SEC24B: variants seen among roughly 807,000 people sequenced by gnomAD.
SEC24B encodes protein transport protein Sec24B.
SEC24B carries 45 observed loss-of-function variants against 142.8 expected under a neutral mutation model. The ratio of observed to expected loss-of-function variants is 0.32; its 90% CI spans 0.25 to 0.40. The LOEUF (loss-of-function observed/expected upper bound fraction) is 0.40, where lower values mean the gene tolerates loss of function less well. Ranked by LOEUF, SEC24B falls within the 10% of genes least tolerant of loss-of-function variation. The probability of loss-of-function intolerance (pLI) is 1.00; values close to 1 mark genes in which losing one functional copy is unlikely to be tolerated. For synonymous variants in SEC24B, 574 were observed against 568.2 expected (o/e 1.01, Z -0.15); for missense variants, 1,409 against 1,526.8 (o/e 0.92, Z 1.29).
At chr4:109,476,919 C>T (rs1578844921) in intron 3 of SEC24B, among the ~76,000 whole-genome samples, 1 of 151,852 alleles carries the variant, frequency 6.6e-6, no homozygotes, top group Non-Finnish European at 1.5e-5. Context: ...GGGCGGATCA[C>T]GAGGTCAGGA....
chr4:109,508,690 A>G (rs1736986501), intron 7 of SEC24B, among the ~76,000 whole-genome samples: 1 of 152,230 alleles, frequency 6.6e-6, no homozygotes, highest in Non-Finnish European at 1.5e-5. Context: ...TCTTTTATCA[A>G]AATAACAAAT....
chr4:109,455,707 ATTT>A (rs563228413), intron 1 of SEC24B, among the ~76,000 whole-genome samples: 70 of 152,232 alleles, frequency 4.6e-4, no homozygotes, highest in African/African-American at 1.7e-3. Flanking sequence ...AGTTGACTGT[ATTT>A]TTATGGGTCT....
intron 4 of SEC24B, among the ~76,000 whole-genome samples, chr4:109,487,749 T>C (rs2125995700): frequency 6.6e-6 from 1 of 152,364 alleles, no homozygotes; most frequent in East Asian, 1.9e-4. Context: ...ACAATTATCA[T>C]TGCTTTGATA....
intron 1 of SEC24B, among the ~76,000 whole-genome samples, chr4:109,448,496 A>G (rs1286631150): frequency 6.6e-6 from 1 of 151,852 alleles, no homozygotes; most frequent in Non-Finnish European, 1.5e-5. Context: ...TCTAACAATA[A>G]CTTATGAAAC....
chr4:109,531,342 A>G lies in SEC24B; in HGVS notation c.3253-43A>G, dbSNP rs72898781. 1,508 of 1,534,058 alleles carry G rather than the reference A, an allele frequency of 9.8e-4. 13 individuals are homozygous for G. In the African/African-American group the frequency reaches 0.019, roughly 20 times the overall value. Reference sequence around the variant, plus strand: ...ATATTTGTTTTAATATTTGTCCACCATATTTGTATTTTACTTGAAAACGTT... The same window carrying G: ...ATATTTGTTTTAATATTTGTCCACCGTATTTGTATTTTACTTGAAAACGTT... On this transcript the variant is annotated intron_variant, in intron 19 of 23. Coordinates refer to ENST00000265175, the MANE Select transcript of SEC24B (RefSeq NM_006323.5).
chr4:109,520,563 C>T, intron 12 of SEC24B, 79 bp downstream of exon 12: 1 of 810,520 alleles, frequency 1.2e-6, no homozygotes, highest in Non-Finnish European at 2.1e-6. Flanking sequence ...ATACACCTTG[C>T]TATATGCTGT....
intron 4 of SEC24B, among the ~76,000 whole-genome samples, chr4:109,484,935 T>C (rs1244481370): frequency 1.3e-5 from 2 of 152,122 alleles, no homozygotes; most frequent in African/African-American, 4.8e-5. Context: ...ATATTATAGA[T>C]TTAAAATTCC....
chr4:109,475,988 CTCT>C (rs1411054369), intron 3 of SEC24B, among the ~76,000 whole-genome samples: 9 of 137,174 alleles, frequency 6.6e-5, no homozygotes, highest in African/African-American at 3.1e-4. Context: ...TTTTCTCTCT[CTCT>C]TTTTTTTTTT....
Position 109,506,961 on chromosome 4 carries a change from C to T in SEC24B, c.1673+449C>T, listed in dbSNP as rs570185168. On this transcript the variant is annotated intron_variant, in intron 7 of 23. Coordinates refer to ENST00000265175, the MANE Select transcript of SEC24B (RefSeq NM_006323.5). ...TATCTCAGAATTTTCTTTTCCCACT[C>T]AATATAGAGTATGAAGACCTTTGAC... Among the ~76,000 whole-genome samples, 6 of 152,190 alleles carry T rather than the reference C, an allele frequency of 3.9e-5. No homozygotes were observed. In the South Asian group the frequency reaches 1.2e-3, roughly 32 times the overall value.
chr4:109,514,101 A>C (rs1561161724), intron 10 of SEC24B, among the ~76,000 whole-genome samples: 1 of 152,190 alleles, frequency 6.6e-6, no homozygotes, highest in African/African-American at 2.4e-5. Context: ...AGCATCTATG[A>C]CTTGTTGCCA....
intron 22 of SEC24B, 103 bp from the exon 23 acceptor site, chr4:109,538,390 A>G (rs752183708): frequency 2.9e-6 from 2 of 700,100 alleles, no homozygotes; most frequent in Non-Finnish European, 5.1e-6. Flanking sequence ...GCTAAGAAAT[A>G]GAGTGCTGGC....
intron 2 of SEC24B, among the ~76,000 whole-genome samples, chr4:109,472,414 T>G (rs1331658103): frequency 6.6e-6 from 1 of 152,210 alleles, no homozygotes; most frequent in African/African-American, 2.4e-5. Context: ...ATGCACTTTA[T>G]TCCAGAAGTT....
At chr4:109,441,063 A>C (rs1263526570) in intron 1 of SEC24B, among the ~76,000 whole-genome samples, 1 of 152,070 alleles carries the variant, frequency 6.6e-6, no homozygotes, top group Admixed American at 6.5e-5. Flanking sequence ...TAAGTTTTCT[A>C]AAATTGTGTG....
intron 6 of SEC24B, among the ~76,000 whole-genome samples, chr4:109,499,777 C>T (rs559642826): frequency 1.3e-5 from 2 of 152,300 alleles, no homozygotes; most frequent in Admixed American, 6.5e-5. Context: ...GTACATAATA[C>T]TTGATAATGA....
chr4:109,490,993 A>G (rs1288767829), intron 4 of SEC24B, among the ~76,000 whole-genome samples: 1 of 152,120 alleles, frequency 6.6e-6, no homozygotes, highest in Non-Finnish European at 1.5e-5. Context: ...AATCCTTAAG[A>G]TGTGACTATA....
At chr4:109,501,705 C>T (rs1736167179) in intron 6 of SEC24B, among the ~76,000 whole-genome samples, 1 of 152,212 alleles carries the variant, frequency 6.6e-6, no homozygotes, top group South Asian at 2.1e-4. Context: ...TTCCTCACCT[C>T]AGATGATCTA....
chr4:109,520,409 G>A lies in SEC24B; in HGVS notation c.2170G>A (p.Asp724Asn). Residue 724 changes from aspartate (D) to asparagine (N), a missense_variant, in exon 12 of 24, where the codon GAT becomes AAT. By Grantham distance (23) the Asp-to-Asn change is conservative. Coordinates refer to ENST00000265175, the MANE Select transcript of SEC24B (RefSeq NM_006323.5). ...AACAAGAATAGGATTCATGACCTTT[G>A]ATAGCACTATTCATTTCTACAATTT... is the stretch of plus-strand genomic sequence containing the variant. ...SRTRIGFMTF[D>N]STIHFYNLQE... The A allele has an allele frequency of 6.2e-7, 1 of 1,612,492 alleles. No individual in the cohort carries two copies. Among genetic ancestry groups the A allele is most frequent in the South Asian group, 1.1e-5 (1 of 91,002 alleles).
chr4:109,490,609 G>A (rs1019468084), intron 4 of SEC24B, among the ~76,000 whole-genome samples: 1 of 152,074 alleles, frequency 6.6e-6, no homozygotes, highest in African/African-American at 2.4e-5. Context: ...AATGGAAGAA[G>A]TATATTGCTT....
At chr4:109,508,560 C>G (rs1262494919) in intron 7 of SEC24B, among the ~76,000 whole-genome samples, 22 of 151,720 alleles carry the variant, frequency 1.5e-4, no homozygotes, top group Admixed American at 1.4e-3. Flanking sequence ...GAGTGAGACC[C>G]TGTCTCAAAA....
Sources: gnomAD v4.1 joint callset for allele counts (sites outside exome capture counted in the v4.1 genomes callset) on GRCh38, gnomAD v4.1.1 for gene constraint, MANE v1.5 for transcripts, NCBI Gene and HGNC (gene_info 2026-07-23, HGNC 2026-07-21) for gene names.